The following MICALL2 variants were observed in gnomAD, a reference collection of about 807,000 sequenced individuals.
MICALL2 encodes the protein MICAL-like protein 2.
In MICALL2, 111 loss-of-function variants were observed where a neutral mutation model predicts 91.1. The observed-to-expected ratio is 1.22, with a 90% CI of 1.04 to 1.43. MICALL2 has a LOEUF of 1.43. Among genes scored for constraint, MICALL2 ranks in the 40% most tolerant of loss-of-function variants. MICALL2 has a pLI of 0.00. For synonymous variants in MICALL2, 694 were observed against 525.3 expected, an observed-to-expected ratio of 1.32 and a Z score of -4.39; for missense variants, 1,556 against 1,236.0, an observed-to-expected ratio of 1.26 and a Z score of -3.88.
intron 14 of MICALL2, 158 bp from the exon 15 acceptor site, chr7:1,437,014 TGAAG>T (rs1209701319): frequency 5.6e-6 from 3 of 538,006 alleles, no homozygotes; most frequent in African/African-American, 2.0e-5. Context: ...AATAAGTGAA[TGAAG>T]GAAGGAACGG....
chr7:1,444,612 A>G (rs1244499432), intron 6 of MICALL2, 40 bp downstream of exon 6: 2 of 1,579,176 alleles, frequency 1.3e-6, no homozygotes. Flanking sequence ...GCTGGTGCAA[A>G]GAGGCCATAC....
intron 13 of MICALL2, 95 bp from the exon 14 acceptor site, chr7:1,437,703 G>C (rs1780042315): frequency 6.6e-6 from 9 of 1,373,324 alleles, no homozygotes; most frequent in Admixed American, 2.0e-5. Flanking sequence ...CTGCCACACA[G>C]ACACGAGTCT....
rs977081943 is a variant in MICALL2, at chr7:1,452,788, G to A, written c.144-2500C>T. 2.6e-5 allele frequency among the ~76,000 whole-genome samples: 4 copies of A among 152,090 alleles called. No individual in the cohort carries two copies. Among genetic ancestry groups the A allele is most frequent in the Non-Finnish European group, 5.9e-5 (4 of 68,004 alleles). ...TCTGGGCTGCGAGTTCAAGCATCGC[G>A]GCCTCAGGATGAGGTTCAAGCTGCA... On this transcript the variant is annotated intron_variant, in intron 1 of 16. Transcript: ENST00000297508. This position sits in a 1 kb window ranked among gnomAD's most constrained non-coding sequence, Gnocchi z 6.2.
At position 1,446,723 on chromosome 7, in the gene MICALL2, T is replaced by C. The variant is rs747951715; in HGVS notation, c.631A>G (p.Ser211Gly). 5.0e-6 allele frequency: 8 copies of C among 1,599,722 alleles called. No individual in the cohort carries two copies. The highest frequency in any genetic ancestry group is 2.0e-4 in the Middle Eastern group (1 of 5,092). ...AGAGGGCAGCCCCACCTGAAGCAGC[T>C]CCGGTGGTAAAGCCTCCCGTCGGCC... ...HLADGRLYHR[S>G]CFRCKQCSCT... Residue 211 changes from serine (S) to glycine (G), a missense_variant, in exon 5 of 17, where the codon AGC becomes GGC. Transcript: ENST00000297508.
In MICALL2 at chr7:1,459,304, T is replaced by C. The variant is rs781252331; in HGVS notation, c.23A>G (p.Gln8Arg). Residue 8 changes from glutamine (Q) to arginine (R), a missense_variant, in exon 1 of 17, where the codon CAA becomes CGA. Transcript: ENST00000297508. ...CTCGCACTGCTGCCGGCACCACTGTTGCAGCGCCCTGATGGCCGCCATGTG... is the reference window on the plus strand; with the variant it reads ...CTCGCACTGCTGCCGGCACCACTGTCGCAGCGCCCTGATGGCCGCCATGTG... MAAIRAL[Q>R]QWCRQQCEGY... is the part of the protein sequence containing the mutation. 38 of 1,575,330 alleles carry C rather than the reference T, an allele frequency of 2.4e-5. No homozygotes were observed. In the African/African-American group the frequency reaches 5.0e-4, roughly 21 times the overall value.
rs781339492 is a variant in MICALL2 at position 1,434,488 on chromosome 7, G to T, written c.*108C>A. 1 of 1,004,598 alleles carries T rather than the reference G, an allele frequency of 1.0e-6. No individual in the cohort carries two copies. Among genetic ancestry groups the T allele is most frequent in the African/African-American group, 1.6e-5 (1 of 63,648 alleles). The allele number at this position is 1,004,598 out of a possible 1,614,324, so 62.2% of individuals were successfully genotyped here. A position where few individuals can be genotyped will look rare whatever the true frequency, so the allele number is the denominator to read the frequency against. On this transcript the variant is annotated 3_prime_UTR_variant, in exon 17 of 17. Coordinates refer to ENST00000297508, the MANE Select transcript of MICALL2 (RefSeq NM_182924.4). ...AGTCCGAATGCCGGGTCCGGGCCGA[G>T]CCCACGGCCCCGAGTACAAGTCCGG...
chr7:1,443,648 G>C (rs956341499), intron 6 of MICALL2, among the ~76,000 whole-genome samples: 8 of 152,296 alleles, frequency 5.3e-5, no homozygotes, highest in African/African-American at 4.8e-5. Context: ...GACAGACAGA[G>C]AGAAGGCCAC....
chr7:1,439,040 A>C, intron 9 of MICALL2, 45 bp from the exon 10 acceptor site: 1 of 1,470,964 alleles, frequency 6.8e-7, no homozygotes, highest in South Asian at 1.2e-5. Flanking sequence ...GAGCAGGGCC[A>C]CTGGGAGCCT....
chr7:1,440,674 G>T lies in MICALL2; in HGVS notation c.1722C>A (p.Thr574=), dbSNP rs774577701. 43 of 1,611,770 alleles carry T rather than the reference G, an allele frequency of 2.7e-5. 1 individual carries two copies. The African/African-American group carries it at 4.5e-4, about 17-fold the overall frequency. Residue 574 remains threonine (T), a synonymous_variant, in exon 8 of 17, where the codon ACC becomes ACA. Coordinates refer to ENST00000297508, the MANE Select transcript of MICALL2 (RefSeq NM_182924.4). ...KSTTLTQDMS[T]SLQEGQEDGP... Reference sequence around the variant, plus strand: ...CGTCCTCCTGGCCTTCCTGGAGGCTGGTGCTCATGTCTGGGTGGGAGGCAA... The same window carrying T: ...CGTCCTCCTGGCCTTCCTGGAGGCTTGTGCTCATGTCTGGGTGGGAGGCAA...
intron 6 of MICALL2, among the ~76,000 whole-genome samples, chr7:1,442,923 C>A (rs1227591812): frequency 6.6e-6 from 1 of 152,120 alleles, no homozygotes; most frequent in African/African-American, 2.4e-5. Flanking sequence ...TCCCATGTGA[C>A]ACAGTCTCTC....
intron 1 of MICALL2, among the ~76,000 whole-genome samples, chr7:1,458,320 G>A (rs1316537328): frequency 6.6e-6 from 1 of 152,116 alleles, no homozygotes; most frequent in Non-Finnish European, 1.5e-5. Flanking sequence ...TCCCAACCCC[G>A]AGACCTTCCC....
Position 1,451,313 on chromosome 7 carries a change from G to A in MICALL2, c.144-1025C>T, listed in dbSNP as rs1005134370. On this transcript the variant is annotated intron_variant, in intron 1 of 16. Coordinates refer to ENST00000297508, the MANE Select transcript of MICALL2 (RefSeq NM_182924.4). The surrounding 1 kb of genome is among the most constrained non-coding windows in gnomAD (Gnocchi z 4.5). ...GCCCCAGCCCAGCCCCAGGCCCTCCGACAAAAACCACCAGGCTCCCAGCAC... is the reference window on the plus strand; with the variant it reads ...GCCCCAGCCCAGCCCCAGGCCCTCCAACAAAAACCACCAGGCTCCCAGCAC... 1.3e-5 allele frequency among the ~76,000 whole-genome samples: 2 copies of A among 152,174 alleles called. No individual in the cohort carries two copies. The highest frequency in any genetic ancestry group is 4.2e-4 in the South Asian group (2 of 4,818).
intron 1 of MICALL2, among the ~76,000 whole-genome samples, chr7:1,456,664 G>T (rs1413558621): frequency 6.6e-6 from 1 of 152,044 alleles, no homozygotes. Context: ...CCAGCTACTC[G>T]GGAGGTTGAG....
chr7:1,438,275 C>T lies in MICALL2; in HGVS notation c.2187+14G>A. 6.3e-7 allele frequency: 1 copy of T among 1,592,804 alleles called. No homozygotes were observed. Among genetic ancestry groups the T allele is most frequent in the Middle Eastern group, 1.7e-4 (1 of 5,948 alleles). On this transcript the variant is annotated intron_variant, in intron 11 of 16. Transcript: ENST00000297508. ...GAGGGCTGGGCCCCTGCCCGGCTCC[C>T]CACCACTACTCACCCTGACTGGGGA... is the stretch of plus-strand genomic sequence containing the variant.
chr7:1,459,342 G>A lies in MICALL2; in HGVS notation c.-16C>T. 2.0e-6 allele frequency: 3 copies of A among 1,504,082 alleles called. No homozygotes were observed. Among genetic ancestry groups the A allele is most frequent in the South Asian group, 1.3e-5 (1 of 79,334 alleles). 93.2% of individuals were successfully genotyped at this position (1,504,082 alleles called of 1,614,324 possible). ...TGGCCGCCATGTGGGCGGCGCGCCC[G>A]CCGCGCGGCGGAACCGCCCTCCGAC... On this transcript the variant is annotated 5_prime_UTR_variant, in exon 1 of 17. Coordinates refer to ENST00000297508, the MANE Select transcript of MICALL2 (RefSeq NM_182924.4).
At chr7:1,439,145 C>A in intron 9 of MICALL2, 150 bp from the exon 10 acceptor site, 1 of 648,798 alleles carries the variant, frequency 1.5e-6, no homozygotes, top group Non-Finnish European at 2.6e-6. Context: ...CATCACAAGC[C>A]CTACACCCAC....
rs779404747 is a variant in MICALL2 at position 1,459,203 on chromosome 7, G to A, written c.124C>T (p.Arg42Cys). The change falls in exon 1 of 17, where the codon CGC becomes TGC. Residue 42 changes from arginine to cysteine, a missense_variant. Physicochemically the swap from Arg to Cys is radical, Grantham distance 180. Transcript: ENST00000297508. ...DGLAFCAILH[R>C]HRPDLINFSA... ...ACTTACATGAGGTCGGGCCGGTGGC[G>A]GTGCAGGATGGCGCAGAAAGCCAGG... The A allele has an allele frequency of 2.5e-6, 4 of 1,609,964 alleles. No individual in the cohort carries two copies. The highest frequency in any genetic ancestry group is 1.7e-5 in the Admixed American group (1 of 59,646).
chr7:1,437,400 A>T, intron 14 of MICALL2, 135 bp downstream of exon 14: 1 of 670,706 alleles, frequency 1.5e-6, no homozygotes, highest in Non-Finnish European at 2.3e-6. Context: ...TGAAACTCAA[A>T]CGTGGGCTCG....
Position 1,451,552 on chromosome 7 carries a change from T to TG in MICALL2, c.144-1265dup, listed in dbSNP as rs2128524899. Among the ~76,000 whole-genome samples the TG allele has an allele frequency of 6.6e-6, 1 of 152,284 alleles. No individual in the cohort carries two copies. The highest frequency in any genetic ancestry group is 6.5e-5 in the Admixed American group (1 of 15,306). ...ACCCGTCTGTCCACGTTGCTGCCTG[T>TG]GGGGTCCCGGACAGCAGCTGCTGCC... On this transcript the variant is annotated intron_variant, in intron 1 of 16. Transcript: ENST00000297508. The surrounding 1 kb of genome is among the most constrained non-coding windows in gnomAD (Gnocchi z 4.5).
Sources: allele counts gnomAD v4.1 joint callset (sites outside exome capture counted in the v4.1 genomes callset), GRCh38; gene constraint gnomAD v4.1.1; non-coding constraint Gnocchi (gnomAD v3.1); transcripts MANE v1.5; gene names NCBI Gene and HGNC (gene_info 2026-07-23, HGNC 2026-07-21).